The following MSANTD4 variants were observed in gnomAD, a reference collection of about 807,000 sequenced individuals.
The protein encoded by MSANTD4 is Myb/SANT DNA binding domain containing 4 with coiled-coils, also known as myb/SANT-like DNA-binding domain-containing protein 4.
MSANTD4 carries 13 observed loss-of-function variants against 34.3 expected under a neutral mutation model. That is an observed-to-expected ratio of 0.38 (90% CI 0.25 to 0.60). MSANTD4 has a LOEUF of 0.60. Among genes scored for constraint, MSANTD4 ranks in the 20% least tolerant of loss-of-function variants. The pLI is 0.63. For synonymous variants in MSANTD4, 137 were observed against 145.2 expected, an observed-to-expected ratio of 0.94 and a Z score of 0.41; for missense variants, 358 against 401.8, an observed-to-expected ratio of 0.89 and a Z score of 0.93.
In MSANTD4 at chr11:106,009,424, A is replaced by G. The variant is rs1565385993; in HGVS notation, c.*111T>C. On this transcript the variant is annotated 3_prime_UTR_variant, in exon 3 of 3. Coordinates refer to ENST00000301919, the MANE Select transcript of MSANTD4 (RefSeq NM_032424.3). ...TCCACATATAACTTTTTCCTACTGA[A>G]CACTGACATTAGACAAGAAACCACA... 1.9e-6 allele frequency: 2 copies of G among 1,045,464 alleles called. No individual in the cohort carries two copies. The highest frequency in any genetic ancestry group is 1.6e-5 in the African/African-American group (1 of 62,028). The allele number at this position is 1,045,464 out of a possible 1,614,324, so 64.8% of individuals were successfully genotyped here. A position where few individuals can be genotyped will look rare whatever the true frequency, so the allele number is the denominator to read the frequency against.
rs750597141 is a variant in MSANTD4, at chr11:106,010,078, T to C, written c.495A>G (p.Ser165=). 2.5e-6 allele frequency: 4 copies of C among 1,581,054 alleles called. No individual in the cohort carries two copies. The highest frequency in any genetic ancestry group is 3.4e-6 in the Non-Finnish European group (4 of 1,171,334). ...CTCTCCTGGAATCTGGTATGACGGATGACAACATTTCTTCCTCCTCCTCAA... is the reference window on the plus strand; with the variant it reads ...CTCTCCTGGAATCTGGTATGACGGACGACAACATTTCTTCCTCCTCCTCAA... ...FEIEEEEEML[S]SVIPDSRREN... The change falls in exon 3 of 3, where the codon TCA becomes TCG. Residue 165 remains serine, a synonymous_variant. Transcript: ENST00000301919.
intron 2 of MSANTD4, 50 bp from the exon 3 acceptor site, chr11:106,010,160 C>T: frequency 6.9e-7 from 1 of 1,452,184 alleles, no homozygotes. Flanking sequence ...TACTTTGTGG[C>T]AATTTGTCTA....
chr11:106,017,508 C>G (rs1367702511), intron 1 of MSANTD4, among the ~76,000 whole-genome samples: 2 of 151,984 alleles, frequency 1.3e-5, no homozygotes, highest in Non-Finnish European at 2.9e-5. Context: ...TTTAAAACAG[C>G]AAAATATACA....
chr11:106,017,962 T>C (rs1278911625), intron 1 of MSANTD4, among the ~76,000 whole-genome samples: 2 of 152,202 alleles, frequency 1.3e-5, no homozygotes, highest in African/African-American at 2.4e-5. Flanking sequence ...CAGACTCTGA[T>C]TCAGGTCTGC....
chr11:106,019,794 A>G (rs1217393217), intron 1 of MSANTD4, among the ~76,000 whole-genome samples: 2 of 152,238 alleles, frequency 1.3e-5, no homozygotes, highest in East Asian at 1.9e-4. Flanking sequence ...AAAAGTACAT[A>G]AACAAATTGT....
chr11:106,010,576 C>A lies in MSANTD4; in HGVS notation c.342G>T (p.Lys114Asn). 1 of 1,614,186 alleles carries A rather than the reference C, an allele frequency of 6.2e-7. No individual in the cohort carries two copies. Among genetic ancestry groups the A allele is most frequent in the Middle Eastern group, 1.6e-4 (1 of 6,062 alleles). ...DDSLTEEIDE[K>N]IGFRNDANFD... is the part of the protein sequence containing the mutation. Reference sequence around the variant, plus strand: ...AATTTGCATCATTTCGGAATCCAATCTTTTCATCTATCTCTTCAGTGAGAG... The same window carrying A: ...AATTTGCATCATTTCGGAATCCAATATTTTCATCTATCTCTTCAGTGAGAG... Residue 114 changes from lysine to asparagine, a missense_variant, in exon 2 of 3, where the codon AAG (lysine) becomes AAT (asparagine). Around this residue, in one of 2 missense-constraint regions of MSANTD4, gnomAD observed 312 missense variants for 317.6 expected, o/e 0.98. Coordinates refer to ENST00000301919, the MANE Select transcript of MSANTD4 (RefSeq NM_032424.3).
At chr11:106,012,787 T>C in intron 1 of MSANTD4, among the ~76,000 whole-genome samples, 1 of 152,238 alleles carries the variant, frequency 6.6e-6, no homozygotes, top group East Asian at 1.9e-4. Flanking sequence ...GTAGAACAGA[T>C]GATTCACATG....
At position 106,021,214 on chromosome 11, in the gene MSANTD4, C is replaced by T. The variant is rs1464475911; in HGVS notation, c.-403G>A. 1 of 152,250 alleles carries T rather than the reference C, an allele frequency of 6.6e-6. No individual in the cohort carries two copies. The highest frequency in any genetic ancestry group is 1.5e-5 in the Non-Finnish European group (1 of 68,048). 9.4% of individuals were successfully genotyped at this position (152,250 alleles called of 1,614,324 possible). The stretch of plus-strand genomic sequence containing the variant: ...CTTTTCTATTGCCTGTCATCGCTCT[C>T]TTAGCAGAAAGGATTCAACAGCTGC... On this transcript the variant is annotated 5_prime_UTR_variant, in exon 1 of 3. Coordinates refer to ENST00000301919, the MANE Select transcript of MSANTD4 (RefSeq NM_032424.3).
chr11:106,011,428 G>C (rs80086262), intron 1 of MSANTD4, among the ~76,000 whole-genome samples: 139 of 152,132 alleles, frequency 9.1e-4, no homozygotes, highest in African/African-American at 3.2e-3. Context: ...TGTTCCTTCT[G>C]CCTGGAAAAT....
intron 1 of MSANTD4, among the ~76,000 whole-genome samples, chr11:106,012,455 A>G (rs1230207831): frequency 6.6e-6 from 1 of 152,224 alleles, no homozygotes; most frequent in Non-Finnish European, 1.5e-5. Context: ...GAAGAGCACA[A>G]TAGGAAAGTA....
chr11:106,013,363 A>G (rs1859754693), intron 1 of MSANTD4, among the ~76,000 whole-genome samples: 1 of 152,192 alleles, frequency 6.6e-6, no homozygotes. Context: ...GTATCAAACT[A>G]TCCATGAAGT....
chr11:106,010,033 G>T lies in MSANTD4; in HGVS notation c.540C>A (p.Phe180Leu), dbSNP rs140719237. The T allele has an allele frequency of 1.1e-3, 1,701 of 1,601,650 alleles. 9 individuals carry two copies. The highest frequency in any genetic ancestry group is 9.6e-3 in the Middle Eastern group (58 of 6,060). ...GGGTAAAAAACTCATCAATGTGGGG[G>T]AAATCGGGAAGTTCATTTTCTCTCC... ...DSRRENELPD[F>L]PHIDEFFTLN... The change falls in exon 3 of 3, where the codon TTC becomes TTA. Residue 180 changes from phenylalanine (F) to leucine (L), a missense_variant. Transcript: ENST00000301919.
At chr11:106,014,470 T>C (rs1267818595) in intron 1 of MSANTD4, among the ~76,000 whole-genome samples, 1 of 152,212 alleles carries the variant, frequency 6.6e-6, no homozygotes, top group African/African-American at 2.4e-5. Context: ...TCTGCCAATT[T>C]AAACTTTTCA....
chr11:106,017,585 AACT>A (rs1287576414), intron 1 of MSANTD4, among the ~76,000 whole-genome samples: 16 of 152,218 alleles, frequency 1.1e-4, no homozygotes, highest in African/African-American at 3.4e-4. Context: ...CCACCAATGT[AACT>A]ACTATTAGCA....
Position 106,008,904 on chromosome 11 carries a change from A to G in MSANTD4, c.*631T>C, listed in dbSNP as rs1218423365. 6.6e-6 allele frequency: 1 copy of G among 152,198 alleles called. No homozygotes were observed. The highest frequency in any genetic ancestry group is 2.4e-5 in the African/African-American group (1 of 41,448). 9.4% of individuals were successfully genotyped at this position (152,198 alleles called of 1,614,324 possible). On this transcript the variant is annotated 3_prime_UTR_variant, in exon 3 of 3. Coordinates refer to ENST00000301919, the MANE Select transcript of MSANTD4 (RefSeq NM_032424.3). ...GAATAAAATACCTATAATCTTCATC[A>G]CTTCCTATATTCAATATACTACACA...
chr11:106,010,347 T>C (rs1176594809), intron 2 of MSANTD4, 109 bp downstream of exon 2: 2 of 1,466,296 alleles, frequency 1.4e-6, no homozygotes, highest in African/African-American at 1.4e-5. Flanking sequence ...TGTTATGTAC[T>C]ATTTTTAAAT....
intron 1 of MSANTD4, among the ~76,000 whole-genome samples, chr11:106,016,202 C>G (rs1382828756): frequency 6.6e-6 from 1 of 152,226 alleles, no homozygotes; most frequent in African/African-American, 2.4e-5. Flanking sequence ...AATTAATACT[C>G]TGGCCTAACA....
At position 106,008,229 on chromosome 11, in the gene MSANTD4, G is replaced by C. The variant is rs1238174010; in HGVS notation, c.*1306C>G. 6.6e-6 allele frequency: 1 copy of C among 152,476 alleles called. No homozygotes were observed. The highest frequency in any genetic ancestry group is 1.5e-5 in the Non-Finnish European group (1 of 68,008). 9.4% of individuals were successfully genotyped at this position (152,476 alleles called of 1,614,324 possible). ...GAAAAAGCACCTTCAGAGAGCTGAA[G>C]GAAAATCATCAGGTCAAGCAAGCCC... is the stretch of plus-strand genomic sequence containing the variant. On this transcript the variant is annotated 3_prime_UTR_variant, in exon 3 of 3. Coordinates refer to ENST00000301919, the MANE Select transcript of MSANTD4 (RefSeq NM_032424.3).
In MSANTD4 at chr11:106,021,802, C is replaced by G. The variant is rs1860047067; in HGVS notation, c.-991G>C. On this transcript the variant is annotated 5_prime_UTR_variant, in exon 1 of 3. Transcript: ENST00000301919. ...GGAAGAATCGAGTTAGACTGGGCTC[C>G]CGGAAGGCCACCCAGGGGAGCAGGG... The G allele has an allele frequency of 6.6e-6, 1 of 152,154 alleles. No individual in the cohort carries two copies. The highest frequency in any genetic ancestry group is 1.5e-5 in the Non-Finnish European group (1 of 68,094). The allele number at this position is 152,154 out of a possible 1,614,324, so 9.4% of individuals were successfully genotyped here. A position where few individuals can be genotyped will look rare whatever the true frequency, so the allele number is the denominator to read the frequency against.
Sources: gnomAD v4.1 joint callset for allele counts (sites outside exome capture counted in the v4.1 genomes callset) on GRCh38, gnomAD v4.1.1 for gene constraint, gnomAD v4.1.1 regional missense constraint, MANE v1.5 for transcripts, NCBI Gene and HGNC (gene_info 2026-07-23, HGNC 2026-07-21) for gene names.